ACAN: variants seen among roughly 807,000 people sequenced by gnomAD.
ACAN encodes aggrecan.
In ACAN, 47 loss-of-function variants were observed where a neutral mutation model predicts 169.1. The observed-to-expected ratio is 0.28, with a 90% CI of 0.22 to 0.35. ACAN has a LOEUF of 0.35. Among genes scored for constraint, ACAN ranks in the 10% least tolerant of loss-of-function variants. The pLI, the probability that ACAN is intolerant of heterozygous loss-of-function variation, is 1.00. For synonymous variants in ACAN, 1,115 were observed against 1,112.2 expected (o/e 1.00, Z -0.05); for missense variants, 2,716 against 2,759.9 (o/e 0.98, Z 0.36).
intron 9 of ACAN, 135 bp downstream of exon 9, chr15:88,848,173 G>T: frequency 7.5e-7 from 1 of 1,331,834 alleles, no homozygotes; most frequent in Non-Finnish European, 1.0e-6. Context: ...GGTGGGAAAG[G>T]GTCCTGCTGA....
chr15:88,841,409 G>A (rs1055439144), intron 4 of ACAN, among the ~76,000 whole-genome samples: 2 of 152,162 alleles, frequency 1.3e-5, no homozygotes, highest in African/African-American at 4.8e-5. Context: ...TTGCATATCT[G>A]TGGGTGCTTC....
chr15:88,829,952 A>T (rs910931685), intron 1 of ACAN, among the ~76,000 whole-genome samples: 2 of 152,142 alleles, frequency 1.3e-5, no homozygotes, highest in African/African-American at 4.8e-5. Context: ...ACAGAAGAAA[A>T]ATTGGGTGCT....
chr15:88,846,900 G>C (rs61448397), intron 7 of ACAN, among the ~76,000 whole-genome samples: 1 of 152,194 alleles, frequency 6.6e-6, no homozygotes, highest in Non-Finnish European at 1.5e-5. Context: ...TCCAACTCCT[G>C]TTCTAAGATG....
chr15:88,830,124 C>G (rs1184804504), intron 1 of ACAN, among the ~76,000 whole-genome samples: 1 of 152,070 alleles, frequency 6.6e-6, no homozygotes, highest in Non-Finnish European at 1.5e-5. Flanking sequence ...CACGCTGGGC[C>G]AGGGGAGGTG....
intron 1 of ACAN, among the ~76,000 whole-genome samples, chr15:88,822,638 T>A (rs1190869227): frequency 6.6e-6 from 1 of 152,162 alleles, no homozygotes; most frequent in Non-Finnish European, 1.5e-5. Context: ...GGTTTCTCCA[T>A]GTTGAGGCTA....
intron 11 of ACAN, among the ~76,000 whole-genome samples, chr15:88,852,467 C>T (rs1387593884): frequency 3.3e-5 from 5 of 152,142 alleles, no homozygotes; most frequent in Non-Finnish European, 7.4e-5. Context: ...TGTCTCCTTG[C>T]CTTTCTCCTC....
In ACAN at chr15:88,839,041, T is replaced by C; in HGVS notation, c.449T>C (p.Val150Ala). The change falls in exon 3 of 19, where the codon GTG (valine) becomes GCG (alanine). Residue 150 changes from valine (V) to alanine (A), a missense_variant. Coordinates refer to ENST00000560601, the MANE Select transcript of ACAN (RefSeq NM_001369268.1). This position sits in a 1 kb window ranked among gnomAD's most constrained non-coding sequence, Gnocchi z 4.5. ...EDSEATLEVV[V>A]KGIVFHYRAI... The stretch of plus-strand genomic sequence containing the variant: ...AGCGAGGCCACCCTGGAAGTCGTGG[T>C]GAAAGGTGAGAGCCTCCCACAGGGA... The C allele has an allele frequency of 6.2e-7, 1 of 1,602,070 alleles. No individual in the cohort carries two copies. The highest frequency in any genetic ancestry group is 1.1e-5 in the South Asian group (1 of 91,072).
rs1200162234 is a variant in ACAN at position 88,807,384 on chromosome 15, G to T, written c.-8+3575G>T. Among the ~76,000 whole-genome samples the T allele has an allele frequency of 1.3e-5, 2 of 152,218 alleles. No homozygotes were observed. The highest frequency in any genetic ancestry group is 1.3e-4 in the Admixed American group (2 of 15,288). On this transcript the variant is annotated intron_variant, in intron 1 of 18. Coordinates refer to ENST00000560601, the MANE Select transcript of ACAN (RefSeq NM_001369268.1). The surrounding 1 kb of genome is among the most constrained non-coding windows in gnomAD (Gnocchi z 4.0). ...GCCTCGTGGCCATGCTTCGTGTCCT[G>T]ATGGTAGCCGCACTGCCGCCCTGAT...
rs1430157576 is a variant in ACAN at position 88,868,556 on chromosome 15, T to C, written c.7060+227T>C. Among the ~76,000 whole-genome samples the C allele has an allele frequency of 6.6e-6, 1 of 152,176 alleles. No homozygotes were observed. On this transcript the variant is annotated intron_variant, in intron 14 of 18. Coordinates refer to ENST00000560601, the MANE Select transcript of ACAN (RefSeq NM_001369268.1). This position sits in a 1 kb window ranked among gnomAD's most constrained non-coding sequence, Gnocchi z 5.2. ...TCTGGAGCACTGGCTGATCTGACTT[T>C]CTCCAGGGCTTCCAGATCTACTGAT...
At chr15:88,831,032 CAAAAAG>C (rs1165018395) in intron 1 of ACAN, among the ~76,000 whole-genome samples, 4 of 152,036 alleles carry the variant, frequency 2.6e-5, no homozygotes, top group Non-Finnish European at 4.4e-5. Flanking sequence ...AATCCACTCT[CAAAAAG>C]GAAAAGAAAG....
chr15:88,874,720 A>G lies in ACAN; in HGVS notation c.*239A>G. On this transcript the variant is annotated 3_prime_UTR_variant, in exon 19 of 19. Coordinates refer to ENST00000560601, the MANE Select transcript of ACAN (RefSeq NM_001369268.1). This position sits in a 1 kb window ranked among gnomAD's most constrained non-coding sequence, Gnocchi z 7.3. The stretch of plus-strand genomic sequence containing the variant: ...AAAGCAAACTTATTATAACCCTTGG[A>G]CTGAGTTTAGAGACATTTCTTCAAT... 1.7e-6 allele frequency: 1 copy of G among 598,120 alleles called. No homozygotes were observed. The highest frequency in any genetic ancestry group is 3.2e-5 in the East Asian group (1 of 31,320). 37.1% of individuals were successfully genotyped at this position (598,120 alleles called of 1,614,324 possible).
chr15:88,856,817 G>C lies in ACAN; in HGVS notation c.4232G>C (p.Ser1411Thr), dbSNP rs1311841858. 6.4e-7 allele frequency: 1 copy of C among 1,563,626 alleles called. No individual in the cohort carries two copies. Among genetic ancestry groups the C allele is most frequent in the South Asian group, 1.1e-5 (1 of 87,758 alleles). ...ETTAPGVEEI[S>T]GLPSGEVLET... ...ACTGCCCCTGGAGTAGAGGAGATCA[G>C]CGGGCTTCCTTCTGGAGAAGTTCTA... The change falls in exon 12 of 19, where the codon AGC becomes ACC. Residue 1411 changes from serine to threonine, a missense_variant. Physicochemically the swap from Ser to Thr is moderately conservative, Grantham distance 58. Coordinates refer to ENST00000560601, the MANE Select transcript of ACAN (RefSeq NM_001369268.1).
At chr15:88,828,820 G>A (rs1012169738) in intron 1 of ACAN, among the ~76,000 whole-genome samples, 4 of 152,158 alleles carry the variant, frequency 2.6e-5, no homozygotes, top group South Asian at 2.1e-4. Flanking sequence ...CCGAGGCTCC[G>A]GGTCAGGCAG....
Position 88,874,190 on chromosome 15 carries a change from G to T in ACAN, c.7630+166G>T. ...AAATAGCTGACCACTGCCCTTAGAA[G>T]GGCCACGTACTTGTCCCAGGAGAGG... On this transcript the variant is annotated intron_variant, in intron 18 of 18. Transcript: ENST00000560601. The surrounding 1 kb of genome is among the most constrained non-coding windows in gnomAD (Gnocchi z 7.3). 1 of 1,081,570 alleles carries T rather than the reference G, an allele frequency of 9.2e-7. No homozygotes were observed. Among genetic ancestry groups the T allele is most frequent in the Non-Finnish European group, 1.4e-6 (1 of 733,322 alleles). The allele number at this position is 1,081,570 out of a possible 1,614,324, so 67.0% of individuals were successfully genotyped here.
In ACAN at chr15:88,873,783, A is replaced by G; in HGVS notation, c.7448-59A>G. The G allele has an allele frequency of 1.3e-6, 2 of 1,564,372 alleles. No homozygotes were observed. The highest frequency in any genetic ancestry group is 1.7e-6 in the Non-Finnish European group (2 of 1,146,150). On this transcript the variant is annotated intron_variant, in intron 17 of 18. Transcript: ENST00000560601. The surrounding 1 kb of genome is among the most constrained non-coding windows in gnomAD (Gnocchi z 7.5). ...CCCCACAGTGCCTCGGGTCACAACC[A>G]GCATAGGTCATCCCAGGAGACCCTA... is the stretch of plus-strand genomic sequence containing the variant.
intron 11 of ACAN, among the ~76,000 whole-genome samples, chr15:88,854,164 T>TA (rs1468730626): frequency 6.6e-6 from 1 of 152,260 alleles, no homozygotes; most frequent in Non-Finnish European, 1.5e-5. Context: ...AAAGTCACTG[T>TA]ATGTTTACAA....
chr15:88,813,240 A>T (rs1011552230), intron 1 of ACAN, among the ~76,000 whole-genome samples: 2 of 152,258 alleles, frequency 1.3e-5, no homozygotes, highest in Non-Finnish European at 2.9e-5. Context: ...CGCGGGGGTC[A>T]GTCCATGATA....
rs530172894 is a variant in ACAN at position 88,843,758 on chromosome 15, C to G, written c.1051+110C>G. 5 of 1,355,628 alleles carry G rather than the reference C, an allele frequency of 3.7e-6. No homozygotes were observed. The highest frequency in any genetic ancestry group is 1.5e-5 in the South Asian group (1 of 66,840). The allele number at this position is 1,355,628 out of a possible 1,614,324, so 84.0% of individuals were successfully genotyped here. ...TTGGTTTTTGCCCTTGAAGGGGCCA[C>G]GGGGTACCTGAACCCCATGTTTTTA... On this transcript the variant is annotated intron_variant, in intron 6 of 18. Coordinates refer to ENST00000560601, the MANE Select transcript of ACAN (RefSeq NM_001369268.1). The surrounding 1 kb of genome is among the most constrained non-coding windows in gnomAD (Gnocchi z 4.0).
chr15:88,834,877 G>T (rs1896462393), intron 1 of ACAN, among the ~76,000 whole-genome samples: 1 of 152,174 alleles, frequency 6.6e-6, no homozygotes, highest in East Asian at 1.9e-4. Flanking sequence ...GTGCAGCTGA[G>T]GTTGAGAGCA....
Sources: allele counts gnomAD v4.1 joint callset (sites outside exome capture counted in the v4.1 genomes callset), GRCh38; gene constraint gnomAD v4.1.1; non-coding constraint Gnocchi (gnomAD v3.1); transcripts MANE v1.5; gene names NCBI Gene and HGNC (gene_info 2026-07-23, HGNC 2026-07-21).